Variants in MECOM observed in about 807,000 individuals in gnomAD.
MECOM encodes the protein histone-lysine N-methyltransferase MECOM.
In MECOM, 13 loss-of-function variants were observed where a neutral mutation model predicts 116.3. The ratio of observed to expected loss-of-function variants is 0.11; its 90% CI spans 0.07 to 0.18. MECOM has a LOEUF of 0.18. Among genes scored for constraint, MECOM ranks in the 10% least tolerant of loss-of-function variants. The pLI is 1.00. For synonymous variants in MECOM, 528 were observed against 535.2 expected (o/e 0.99, Z 0.19); for missense variants, 1,299 against 1,509.0 (o/e 0.86, Z 2.31).
chr3:169,198,546 TC>T (rs970558808), intron 2 of MECOM, among the ~76,000 whole-genome samples: 6 of 152,026 alleles, frequency 3.9e-5, no homozygotes, highest in Non-Finnish European at 8.8e-5. Flanking sequence ...TTATTTACCT[TC>T]CCCTCATTCC....
In MECOM at chr3:169,093,019, T is replaced by A. The variant is rs778355951; in HGVS notation, c.3103A>T (p.Ile1035Phe). ...DDKEDAYFTEIRNFIGNSNHG... is the reference protein window; with the variant it reads ...DDKEDAYFTEFRNFIGNSNHG... ...TTGCTGTTCCCAATGAAATTTCGAA[T>A]TTCTGTGAAGTAAGCATCTTCTTTG... The change falls in exon 14 of 17, where the codon ATT (isoleucine) becomes TTT (phenylalanine). Residue 1035 changes from isoleucine to phenylalanine, a missense_variant. This residue lies in a region of MECOM where 273 missense variants were observed against 289.3 expected (regional missense o/e 0.94). Transcript: ENST00000651503. The A allele has an allele frequency of 5.3e-5, 86 of 1,613,740 alleles. No homozygotes were observed. In the East Asian group the frequency reaches 1.9e-3, roughly 36 times the overall value.
intron 1 of MECOM, among the ~76,000 whole-genome samples, chr3:169,441,699 T>C (rs1401425268): frequency 6.6e-6 from 1 of 151,858 alleles, no homozygotes; most frequent in Non-Finnish European, 1.5e-5. Context: ...AGATGCTTTT[T>C]TTAGCTATGT....
At chr3:169,650,456 C>G (rs1774750538) in intron 1 of MECOM, among the ~76,000 whole-genome samples, 1 of 152,056 alleles carries the variant, frequency 6.6e-6, no homozygotes, top group Non-Finnish European at 1.5e-5. Context: ...CTTATCCTTA[C>G]CCAGTTTGGG....
intron 1 of MECOM, among the ~76,000 whole-genome samples, chr3:169,410,568 A>C (rs1737395336): frequency 1.3e-5 from 2 of 151,486 alleles, no homozygotes; most frequent in Non-Finnish European, 2.9e-5. Context: ...ATCCAGCATG[A>C]GTAATACTTG....
At chr3:169,170,609 T>TG (rs1189885349) in intron 2 of MECOM, among the ~76,000 whole-genome samples, 1 of 151,818 alleles carries the variant, frequency 6.6e-6, no homozygotes, top group African/African-American at 2.4e-5. Flanking sequence ...GCTAGAACTA[T>TG]GTTTTTTTTC....
At chr3:169,158,117 A>AT (rs1560292899) in intron 2 of MECOM, among the ~76,000 whole-genome samples, 2 of 152,316 alleles carry the variant, frequency 1.3e-5, no homozygotes, top group East Asian at 1.9e-4. Context: ...TCTCAAAAAA[A>AT]GTGTTGATTA....
chr3:169,640,167 AT>A (rs1387133707), intron 1 of MECOM, among the ~76,000 whole-genome samples: 1 of 131,290 alleles, frequency 7.6e-6, no homozygotes, highest in Non-Finnish European at 1.6e-5. Flanking sequence ...AAAATTTTTA[AT>A]TCAAAAAAAA....
At chr3:169,131,603 T>TA (rs1223875668) in intron 3 of MECOM, 72 bp from the exon 4 acceptor site, 1 of 1,178,892 alleles carries the variant, frequency 8.5e-7, no homozygotes, top group Non-Finnish European at 1.2e-6. Context: ...AAGGGCAAGA[T>TA]ATACACTAAG....
intron 1 of MECOM, chr3:169,470,301 T>A (rs1026771613): frequency 1.3e-5 from 2 of 152,222 alleles, no homozygotes; most frequent in Non-Finnish European, 2.9e-5. Context: ...CCTATGAGAC[T>A]ACACTTAAAC....
intron 2 of MECOM, among the ~76,000 whole-genome samples, chr3:169,324,616 TA>T (rs1288418373): frequency 1.3e-5 from 2 of 152,232 alleles, no homozygotes; most frequent in African/African-American, 4.8e-5. Context: ...AGCTAATGAC[TA>T]GAAGAAAGGG....
intron 3 of MECOM, among the ~76,000 whole-genome samples, chr3:169,133,126 C>T (rs751635090): frequency 6.6e-6 from 1 of 151,766 alleles, no homozygotes; most frequent in Non-Finnish European, 1.5e-5. Flanking sequence ...CACACACACA[C>T]ACACACATAC....
At chr3:169,640,656 C>T (rs138481199) in intron 1 of MECOM, among the ~76,000 whole-genome samples, 107 of 152,296 alleles carry the variant, frequency 7.0e-4, no homozygotes, top group African/African-American at 2.1e-3. Context: ...ACAAATATGA[C>T]GTCATGGAAA....
chr3:169,214,286 A>G (rs1275357860), intron 2 of MECOM, among the ~76,000 whole-genome samples: 82 of 152,260 alleles, frequency 5.4e-4, no homozygotes, highest in Admixed American at 5.4e-3. Context: ...TAAAAGAACT[A>G]AACTAAACAT....
chr3:169,087,964 T>A (rs1718379333), intron 16 of MECOM, among the ~76,000 whole-genome samples: 1 of 152,228 alleles, frequency 6.6e-6, no homozygotes, highest in Non-Finnish European at 1.5e-5. Context: ...CCATACATAA[T>A]ATCTCAGAAC....
At chr3:169,354,063 T>C (rs1383967378) in intron 2 of MECOM, among the ~76,000 whole-genome samples, 4 of 151,940 alleles carry the variant, frequency 2.6e-5, no homozygotes, top group African/African-American at 7.2e-5. Flanking sequence ...CTGCTTATAG[T>C]TATTACATAA....
intron 1 of MECOM, among the ~76,000 whole-genome samples, chr3:169,422,716 G>C (rs573722229): frequency 2.6e-5 from 4 of 152,118 alleles, no homozygotes; most frequent in African/African-American, 9.6e-5. Context: ...CACCTACCCA[G>C]ATCCCCTGAA....
At chr3:169,596,009 A>G (rs776904150) in intron 1 of MECOM, among the ~76,000 whole-genome samples, 1 of 152,242 alleles carries the variant, frequency 6.6e-6, no homozygotes, top group Non-Finnish European at 1.5e-5. Flanking sequence ...GTTTTGAAAA[A>G]TAATACAAGA....
At chr3:169,180,720 T>G (rs1745834282) in intron 2 of MECOM, among the ~76,000 whole-genome samples, 1 of 150,142 alleles carries the variant, frequency 6.7e-6, no homozygotes, top group Non-Finnish European at 1.5e-5. Context: ...TCTTATTGTA[T>G]ATCTCAAAAA....
intron 3 of MECOM, among the ~76,000 whole-genome samples, chr3:169,141,770 C>A (rs1451099300): frequency 6.6e-6 from 1 of 151,946 alleles, no homozygotes; most frequent in Admixed American, 6.6e-5. Flanking sequence ...TGACTTTCCT[C>A]CCTTGTTGTT....
Sources: gnomAD v4.1 joint callset for allele counts (sites outside exome capture counted in the v4.1 genomes callset) on GRCh38, gnomAD v4.1.1 for gene constraint, gnomAD v4.1.1 regional missense constraint, MANE v1.5 for transcripts, NCBI Gene and HGNC (gene_info 2026-07-23, HGNC 2026-07-21) for gene names.